Variants in DYRK1A observed in about 807,000 individuals in gnomAD.
DYRK1A encodes the protein dual specificity tyrosine-phosphorylation-regulated kinase 1A.
In DYRK1A, 9 loss-of-function variants were observed where a neutral mutation model predicts 79.7. The observed-to-expected ratio is 0.11, with a 90% CI of 0.07 to 0.20. DYRK1A has a LOEUF of 0.20. Among genes scored for constraint, DYRK1A ranks in the 10% least tolerant of loss-of-function variants. DYRK1A has a pLI of 1.00. For synonymous variants in DYRK1A, 349 were observed against 329.7 expected (o/e 1.06, Z -0.63); for missense variants, 622 against 956.0 (o/e 0.65, Z 4.61).
intron 4 of DYRK1A, 52 bp from the exon 5 acceptor site, chr21:37,480,586 T>C (rs1410631247): frequency 1.4e-6 from 2 of 1,411,390 alleles, no homozygotes; most frequent in Non-Finnish European, 1.9e-6. Flanking sequence ...GATAATGCCC[T>C]TCCTCACAGT....
At chr21:37,499,401 A>G (rs969924103) in intron 9 of DYRK1A, among the ~76,000 whole-genome samples, 1 of 152,146 alleles carries the variant, frequency 6.6e-6, no homozygotes, top group Non-Finnish European at 1.5e-5. Flanking sequence ...TATGTTTTCT[A>G]TTCTAGGTCC....
chr21:37,456,329 T>C (rs1376859153), intron 2 of DYRK1A: 1 of 152,282 alleles, frequency 6.6e-6, no homozygotes, highest in African/African-American at 2.4e-5. Context: ...GATTGTAGAA[T>C]GCTTTCTAGT....
intron 2 of DYRK1A, among the ~76,000 whole-genome samples, chr21:37,466,195 A>G (rs542532933): frequency 9.8e-5 from 15 of 152,352 alleles, no homozygotes; most frequent in Admixed American, 3.3e-4. Flanking sequence ...GTCTGATTCT[A>G]TCCATGCTGG....
chr21:37,485,635 ATAT>A (rs1159424114), intron 5 of DYRK1A, among the ~76,000 whole-genome samples: 3 of 152,348 alleles, frequency 2.0e-5, no homozygotes, highest in East Asian at 3.8e-4. Flanking sequence ...ACAATGTATA[ATAT>A]TATAAATGTA....
At chr21:37,468,260 C>A (rs183287110) in intron 2 of DYRK1A, among the ~76,000 whole-genome samples, 19 of 151,804 alleles carry the variant, frequency 1.3e-4, no homozygotes, top group South Asian at 2.1e-4. Flanking sequence ...TACAGGTGTG[C>A]GTCACCATGC....
chr21:37,441,328 T>TC (rs1319157327), intron 2 of DYRK1A, among the ~76,000 whole-genome samples: 1 of 152,166 alleles, frequency 6.6e-6, no homozygotes, highest in Non-Finnish European at 1.5e-5. Flanking sequence ...TTCTTGTTGT[T>TC]CCTGGTCTGA....
At chr21:37,371,758 C>A (rs185684045) in intron 1 of DYRK1A, among the ~76,000 whole-genome samples, 1,633 of 152,180 alleles carry the variant, frequency 0.011, 26 homozygotes, top group African/African-American at 0.036. Context: ...TTTATCTCCC[C>A]ATGTTAGAAA....
At chr21:37,395,593 A>T (rs755049777) in intron 1 of DYRK1A, among the ~76,000 whole-genome samples, 3 of 152,022 alleles carry the variant, frequency 2.0e-5, no homozygotes, top group Admixed American at 6.6e-5. Context: ...TCTCCTGGGG[A>T]TGGGATACTC....
intron 2 of DYRK1A, chr21:37,464,299 C>T (rs1208635861): frequency 8.0e-6 from 4 of 500,356 alleles, no homozygotes; most frequent in African/African-American, 5.9e-5. Flanking sequence ...GTAATATGGT[C>T]TCTAGTTATT....
intron 2 of DYRK1A, among the ~76,000 whole-genome samples, chr21:37,468,897 G>A (rs2052124996): frequency 6.6e-6 from 1 of 152,146 alleles, no homozygotes; most frequent in Admixed American, 6.5e-5. Flanking sequence ...GGGTGACAAG[G>A]CAAGCTGCCT....
At chr21:37,492,954 T>G in intron 7 of DYRK1A, 63 bp from the exon 8 acceptor site, 1 of 1,364,690 alleles carries the variant, frequency 7.3e-7, no homozygotes, top group South Asian at 1.4e-5. Context: ...ATCAATGTTT[T>G]TAATCCAATG....
At chr21:37,372,591 C>G (rs185528940) in intron 1 of DYRK1A, among the ~76,000 whole-genome samples, 196 of 152,282 alleles carry the variant, frequency 1.3e-3, no homozygotes, top group Admixed American at 0.012. Context: ...TCTGGCTGAT[C>G]TGAGTCTCAA....
At chr21:37,483,506 T>G (rs992984088) in intron 5 of DYRK1A, among the ~76,000 whole-genome samples, 7 of 152,350 alleles carry the variant, frequency 4.6e-5, no homozygotes, top group South Asian at 2.1e-4. Flanking sequence ...CCAGGGACTT[T>G]TTCCTTGAAT....
intron 2 of DYRK1A, among the ~76,000 whole-genome samples, chr21:37,422,549 A>G (rs1386414026): frequency 6.6e-6 from 1 of 152,054 alleles, no homozygotes; most frequent in Non-Finnish European, 1.5e-5. Context: ...AGATGTGGTA[A>G]CTTACTCTCA....
chr21:37,467,088 T>G, intron 2 of DYRK1A, among the ~76,000 whole-genome samples: 1 of 139,570 alleles, frequency 7.2e-6, no homozygotes, highest in East Asian at 2.1e-4. Flanking sequence ...AGTTTTGAAG[T>G]CTTTGGGATT....
At chr21:37,491,214 G>A (rs2053081713) in intron 7 of DYRK1A, among the ~76,000 whole-genome samples, 1 of 152,052 alleles carries the variant, frequency 6.6e-6, no homozygotes, top group Non-Finnish European at 1.5e-5. Flanking sequence ...GCTGATTTAG[G>A]AAAGCAGTTT....
At chr21:37,440,393 T>G (rs1202693312) in intron 2 of DYRK1A, among the ~76,000 whole-genome samples, 3 of 152,172 alleles carry the variant, frequency 2.0e-5, no homozygotes, top group Middle Eastern at 3.4e-3. Context: ...TGCCTCAGCC[T>G]TCCAAAGTGT....
intron 2 of DYRK1A, among the ~76,000 whole-genome samples, chr21:37,463,465 T>C (rs1191763802): frequency 6.6e-6 from 1 of 152,214 alleles, no homozygotes; most frequent in Non-Finnish European, 1.5e-5. Flanking sequence ...GCAATAGCTG[T>C]AGCCTGTGCT....
At chr21:37,422,590 A>T (rs2050505813) in intron 2 of DYRK1A, among the ~76,000 whole-genome samples, 1 of 152,142 alleles carries the variant, frequency 6.6e-6, no homozygotes. Context: ...AGGTTCAGGG[A>T]TGCTGGAAAG....
Sources: gnomAD v4.1 joint callset for allele counts (sites outside exome capture counted in the v4.1 genomes callset) on GRCh38, gnomAD v4.1.1 for gene constraint, MANE v1.5 for transcripts, NCBI Gene and HGNC (gene_info 2026-07-23, HGNC 2026-07-21) for gene names.